CCDC159: variants seen among roughly 807,000 people sequenced by gnomAD.
The protein encoded by CCDC159 is coiled-coil domain containing 159, also known as coiled-coil domain-containing protein 159.
CCDC159 carries 40 observed loss-of-function variants against 50.9 expected under a neutral mutation model. The ratio of observed to expected loss-of-function variants is 0.79; its 90% CI spans 0.61 to 1.02. The LOEUF is 1.02. Among genes scored for constraint, CCDC159 ranks in the 50% least tolerant of loss-of-function variants. The pLI, the probability that CCDC159 is intolerant of heterozygous loss-of-function variation, is 0.00. For synonymous variants in CCDC159, 146 were observed against 138.9 expected (o/e 1.05, Z -0.36); for missense variants, 356 against 371.5 (o/e 0.96, Z 0.34).
intron 10 of CCDC159, 52 bp downstream of exon 10, chr19:11,354,748 C>G: frequency 6.2e-7 from 1 of 1,609,208 alleles, no homozygotes; most frequent in Non-Finnish European, 8.5e-7. Context: ...CTGACCTGCC[C>G]TTGACTCCCA....
At chr19:11,348,281 T>C (rs1967378857) in intron 1 of CCDC159, 3 of 385,906 alleles carry the variant, frequency 7.8e-6, no homozygotes, top group Non-Finnish European at 1.5e-5. Flanking sequence ...TGGGATAATC[T>C]TTTTTGTTGT....
intron 2 of CCDC159, 87 bp from the exon 3 acceptor site, chr19:11,349,851 T>C: frequency 7.5e-7 from 1 of 1,341,454 alleles, no homozygotes; most frequent in Non-Finnish European, 1.1e-6. Context: ...TCCCTACTGC[T>C]ACTCTGAGCC....
At chr19:11,349,101 CG>C (rs1967429793) in intron 1 of CCDC159, 1 of 1,348,578 alleles carries the variant, frequency 7.4e-7, no homozygotes, top group South Asian at 1.1e-5. Flanking sequence ...TCAGGGCCTT[CG>C]CCACATGAGG....
At chr19:11,349,092 C>T (rs1011927373) in intron 1 of CCDC159, 24 of 1,347,758 alleles carry the variant, frequency 1.8e-5, no homozygotes, top group Non-Finnish European at 2.4e-5. Context: ...GGGTGGGGCT[C>T]AGGGCCTTCG....
At chr19:11,347,276 G>A (rs983676970) in intron 1 of CCDC159, among the ~76,000 whole-genome samples, 4 of 152,132 alleles carry the variant, frequency 2.6e-5, no homozygotes, top group Non-Finnish European at 5.9e-5. Context: ...CAGAAAATAG[G>A]AGCCTAAAAA....
intron 1 of CCDC159, among the ~76,000 whole-genome samples, chr19:11,348,488 C>T (rs1011259124): frequency 3.3e-5 from 5 of 152,124 alleles, no homozygotes; most frequent in African/African-American, 1.2e-4. Flanking sequence ...GGGGTTTCAC[C>T]ATATTGGCCA....
At chr19:11,352,616 AAAAG>A (rs1967647298) in intron 7 of CCDC159, 1 of 154,808 alleles carries the variant, frequency 6.5e-6, no homozygotes, top group African/African-American at 2.4e-5. Flanking sequence ...TTAAAAAAAA[AAAAG>A]AAAAAAGAAA....
chr19:11,346,675 A>G, intron 1 of CCDC159, 48 bp downstream of exon 1: 2 of 1,540,644 alleles, frequency 1.3e-6, no homozygotes, highest in East Asian at 2.5e-5. Context: ...AGATTTCACA[A>G]CCCAGGGGGC....
At chr19:11,348,190 T>C (rs1487077543) in intron 1 of CCDC159, 1 of 456,260 alleles carries the variant, frequency 2.2e-6, no homozygotes, top group South Asian at 1.5e-5. Context: ...GTCCCTTTTT[T>C]CTTTGGACTC....
At position 11,350,218 on chromosome 19, in the gene CCDC159, T is replaced by C. The variant is rs1358130381; in HGVS notation, c.226+19T>C. The C allele has an allele frequency of 1.9e-6, 3 of 1,601,750 alleles. No homozygotes were observed. Among genetic ancestry groups the C allele is most frequent in the Admixed American group, 1.7e-5 (1 of 58,540 alleles). On this transcript the variant is annotated intron_variant, in intron 4 of 10. Coordinates refer to ENST00000458408, the MANE Select transcript of CCDC159 (RefSeq NM_001080503.3). ...CTTGAAGGTGAGGACTGACCAGAGA[T>C]CAAGGTCAGGCTAGGCCAGGCGTGG...
intron 1 of CCDC159, chr19:11,348,674 G>A (rs916439081): frequency 2.0e-5 from 9 of 454,466 alleles, no homozygotes; most frequent in African/African-American, 1.6e-4. Flanking sequence ...GGCCTCTCTG[G>A]CATGTCAGGG....
At chr19:11,354,170 GAGTTTGAGACC>G (rs1304692079) in intron 9 of CCDC159, among the ~76,000 whole-genome samples, 1 of 152,102 alleles carries the variant, frequency 6.6e-6, no homozygotes, top group African/African-American at 2.4e-5. Flanking sequence ...TTGAGTCTAG[GAGTTTGAGACC>G]AGCCTGGGCA....
In CCDC159 at chr19:11,354,371, C is replaced by G. The variant is rs968487752; in HGVS notation, c.773-209C>G. ...TGCCACTGCACTCCAGTCTGGGCAA[C>G]AGAGCGAGACCCCATCTCTAAAAAA... On this transcript the variant is annotated intron_variant, in intron 9 of 10. Coordinates refer to ENST00000458408, the MANE Select transcript of CCDC159 (RefSeq NM_001080503.3). Among the ~76,000 whole-genome samples the G allele has an allele frequency of 3.9e-5, 6 of 151,952 alleles. No individual in the cohort carries two copies. In the South Asian group the frequency reaches 1.2e-3, roughly 31 times the overall value.
intron 1 of CCDC159, 128 bp from the exon 2 acceptor site, chr19:11,349,526 C>A: frequency 1.6e-6 from 2 of 1,213,258 alleles, no homozygotes; most frequent in Non-Finnish European, 2.4e-6. Flanking sequence ...GCTTTGCCTG[C>A]ACTTACGGTT....
chr19:11,353,238 C>T, intron 7 of CCDC159: 1 of 345,968 alleles, frequency 2.9e-6, no homozygotes, highest in Non-Finnish European at 5.3e-6. Flanking sequence ...GTAGCTGGGA[C>T]AACAGGCGCC....
chr19:11,353,755 A>G lies in CCDC159; in HGVS notation c.690-37A>G, dbSNP rs1466699135. 1.7e-5 allele frequency: 26 copies of G among 1,562,020 alleles called. No individual in the cohort carries two copies. The South Asian group carries it at 2.9e-4, about 18-fold the overall frequency. On this transcript the variant is annotated intron_variant, in intron 8 of 10. Coordinates refer to ENST00000458408, the MANE Select transcript of CCDC159 (RefSeq NM_001080503.3). ...GCTGTCTACACCCTGAGCAGTGTGGAGTCTCCCAGCGCCCCCAGCTCCTTG... is the reference window on the plus strand; with the variant it reads ...GCTGTCTACACCCTGAGCAGTGTGGGGTCTCCCAGCGCCCCCAGCTCCTTG...
rs749499281 is a variant in CCDC159 at position 11,353,856 on chromosome 19, A to G, written c.754A>G (p.Lys252Glu). The G allele has an allele frequency of 1.7e-5, 27 of 1,584,404 alleles. No individual in the cohort carries two copies. The highest frequency in any genetic ancestry group is 3.3e-4 in the Middle Eastern group (2 of 6,042). The change falls in exon 9 of 11, where the codon AAG (lysine) becomes GAG (glutamate). Residue 252 changes from lysine (K) to glutamate (E), a missense_variant. Lys to Glu is a moderately conservative substitution (Grantham distance 56). Coordinates refer to ENST00000458408, the MANE Select transcript of CCDC159 (RefSeq NM_001080503.3). ...SLTLCSGACP[K>E]ASSLRGHKGH... ...CACTTTGTGCTCGGGGGCCTGTCCC[A>G]AGGCCTCGAGCCTAAGAGGTGAGGG...
At chr19:11,346,811 C>T (rs1363248103) in intron 1 of CCDC159, among the ~76,000 whole-genome samples, 184 bp downstream of exon 1, 2 of 152,172 alleles carry the variant, frequency 1.3e-5, no homozygotes, top group Non-Finnish European at 2.9e-5. Flanking sequence ...TCTCAAATGC[C>T]TCTCCTTTTC....
In CCDC159 at chr19:11,354,714, TC is replaced by T. The variant is rs751602470; in HGVS notation, c.889+25del. On this transcript the variant is annotated intron_variant, in intron 10 of 10. Transcript: ENST00000458408. Reference sequence around the variant, plus strand: ...CCCACCCGGTGCAGATCCTCCCCAGTCCCCCCCTCCACCCATTTCCCTCCTG... The same window carrying T: ...CCCACCCGGTGCAGATCCTCCCCAGTCCCCCCTCCACCCATTTCCCTCCTG... 3.7e-6 allele frequency: 6 copies of T among 1,602,788 alleles called. No individual in the cohort carries two copies. The South Asian group carries it at 6.7e-5, about 18-fold the overall frequency.
Sources: allele counts gnomAD v4.1 joint callset (sites outside exome capture counted in the v4.1 genomes callset), GRCh38; gene constraint gnomAD v4.1.1; transcripts MANE v1.5; gene names NCBI Gene and HGNC (gene_info 2026-07-23, HGNC 2026-07-21).